Variants in PDF observed in about 807,000 individuals in gnomAD.
PDF encodes the protein peptide deformylase, mitochondrial.
In PDF, 31 loss-of-function variants were observed where a neutral mutation model predicts 20.3. The ratio of observed to expected loss-of-function variants is 1.52; its 90% CI spans 1.15 to 2.06. The LOEUF is 2.06. Among genes scored for constraint, PDF ranks in the 30% most tolerant of loss-of-function variants. The probability of loss-of-function intolerance (pLI) is 0.00; values close to 1 mark genes in which losing one functional copy is unlikely to be tolerated. For synonymous variants in PDF, 254 were observed against 172.0 expected, an observed-to-expected ratio of 1.48 and a Z score of -3.73; for missense variants, 447 against 362.5, an observed-to-expected ratio of 1.23 and a Z score of -1.89.
At chr16:69,329,838 A>G (rs1033285676) in intron 1 of PDF, among the ~76,000 whole-genome samples, 159 bp downstream of exon 1, 1 of 152,214 alleles carries the variant, frequency 6.6e-6, no homozygotes, top group African/African-American at 2.4e-5. Flanking sequence ...TCTACCCCAC[A>G]GGAGCTTCTA....
In PDF at chr16:69,330,434, C is replaced by G; in HGVS notation, c.137G>C (p.Arg46Pro). 6.8e-7 allele frequency: 1 copy of G among 1,472,860 alleles called. No homozygotes were observed. The highest frequency in any genetic ancestry group is 8.9e-7 in the Non-Finnish European group (1 of 1,120,200). The allele number at this position is 1,472,860 out of a possible 1,614,324, so 91.2% of individuals were successfully genotyped here. A position where few individuals can be genotyped will look rare whatever the true frequency, so the allele number is the denominator to read the frequency against. ...PDGVEGPALR[R>P]SYWRHLRRLV... ...ACGCCTCAGGTGGCGCCAATAGGAGCGCCGCAGCGCCGGGCCCTCGACGCC... is the reference window on the plus strand; with the variant it reads ...ACGCCTCAGGTGGCGCCAATAGGAGGGCCGCAGCGCCGGGCCCTCGACGCC... The change falls in exon 1 of 2, where the codon CGC becomes CCC. Residue 46 changes from arginine (R) to proline (P), a missense_variant. Arg to Pro is a moderately radical substitution (Grantham distance 103). Transcript: ENST00000288022.
rs894403499 is a variant in PDF, at chr16:69,327,267, G to C, written c.*1755C>G. 2 of 143,650 alleles carry C rather than the reference G, an allele frequency of 1.4e-5. No homozygotes were observed. Among genetic ancestry groups the C allele is most frequent in the African/African-American group, 5.2e-5 (2 of 38,748 alleles). 8.9% of individuals were successfully genotyped at this position (143,650 alleles called of 1,614,324 possible). Reference sequence around the variant, plus strand: ...ACTGCAACCTCTGCCTCCCAGGTTTGAGCGATTCTCCCGCCTCAGCCTCCC... The same window carrying C: ...ACTGCAACCTCTGCCTCCCAGGTTTCAGCGATTCTCCCGCCTCAGCCTCCC... On this transcript the variant is annotated 3_prime_UTR_variant, in exon 2 of 2. Transcript: ENST00000288022.
rs550213086 is a variant in PDF, at chr16:69,330,515, C to G, written c.56G>C (p.Trp19Ser). 2.1e-4 allele frequency: 310 copies of G among 1,472,872 alleles called. No individual in the cohort carries two copies. The African/African-American group carries it at 3.6e-3, about 17-fold the overall frequency. The allele number at this position is 1,472,872 out of a possible 1,614,324, so 91.2% of individuals were successfully genotyped here. A position where few individuals can be genotyped will look rare whatever the true frequency, so the allele number is the denominator to read the frequency against. The stretch of plus-strand genomic sequence containing the variant: ...GACACCGACGGCTGCCGCCCCGCCC[C>G]ACGGCACGGCCGCCCACAGTGGCCA... ...SLWPLWAAVP[W>S]GGAAAVGVRA... Residue 19 changes from tryptophan (W) to serine (S), a missense_variant, in exon 1 of 2, where the codon TGG (tryptophan) becomes TCG (serine). By Grantham distance (177) the Trp-to-Ser change is radical (BLOSUM62 -3). Coordinates refer to ENST00000288022, the MANE Select transcript of PDF (RefSeq NM_022341.2).
At position 69,327,832 on chromosome 16, in the gene PDF, T is replaced by G. The variant is rs1965648300; in HGVS notation, c.*1190A>C. ...TTTGAGGCCAGCCTGGGCAACATAGTAAGACCCCCGTCTCTATCTTAAAAA... is the reference window on the plus strand; with the variant it reads ...TTTGAGGCCAGCCTGGGCAACATAGGAAGACCCCCGTCTCTATCTTAAAAA... On this transcript the variant is annotated 3_prime_UTR_variant, in exon 2 of 2. Transcript: ENST00000288022. 6.6e-6 allele frequency: 1 copy of G among 150,772 alleles called. No individual in the cohort carries two copies. The highest frequency in any genetic ancestry group is 2.1e-4 in the South Asian group (1 of 4,790). 9.3% of individuals were successfully genotyped at this position (150,772 alleles called of 1,614,324 possible). A position where few individuals can be genotyped will look rare whatever the true frequency, so the allele number is the denominator to read the frequency against.
rs756617741 is a variant in PDF, at chr16:69,330,322, C to A, written c.249G>T (p.Glu83Asp). The A allele has an allele frequency of 3.0e-5, 43 of 1,445,894 alleles. No individual in the cohort carries two copies. In the East Asian group the frequency reaches 6.7e-4, roughly 22 times the overall value. 89.6% of individuals were successfully genotyped at this position (1,445,894 alleles called of 1,614,324 possible). A position where few individuals can be genotyped will look rare whatever the true frequency, so the allele number is the denominator to read the frequency against. Residue 83 changes from glutamate (E) to aspartate (D), a missense_variant, in exon 1 of 2, where the codon GAG becomes GAT. By Grantham distance (45) the Glu-to-Asp change is conservative. Coordinates refer to ENST00000288022, the MANE Select transcript of PDF (RefSeq NM_022341.2). ...GCTCGGGCCCGCCTAGCTGCGCCCG[C>A]TCCACCGGGGCCGCCACGCCGCGCA... Reference protein sequence around the residue: ...PVLRGVAAPVERAQLGGPELQ... With the variant: ...PVLRGVAAPVDRAQLGGPELQ...
At position 69,326,950 on chromosome 16, in the gene PDF, C is replaced by T. The variant is rs1185201806; in HGVS notation, c.*2072G>A. Reference sequence around the variant, plus strand: ...TGCATTTTATTGCTACCGATGCCCACCACAAAAGCGTTAACCTCAGAAAGC... The same window carrying T: ...TGCATTTTATTGCTACCGATGCCCATCACAAAAGCGTTAACCTCAGAAAGC... On this transcript the variant is annotated 3_prime_UTR_variant, in exon 2 of 2. Transcript: ENST00000288022. 1 of 152,086 alleles carries T rather than the reference C, an allele frequency of 6.6e-6. No individual in the cohort carries two copies. Among genetic ancestry groups the T allele is most frequent in the Non-Finnish European group, 1.5e-5 (1 of 68,032 alleles). The allele number at this position is 152,086 out of a possible 1,614,324, so 9.4% of individuals were successfully genotyped here. A position where few individuals can be genotyped will look rare whatever the true frequency, so the allele number is the denominator to read the frequency against.
rs1206936331 is a variant in PDF, at chr16:69,328,822, TG to T, written c.*199del. 4 of 663,974 alleles carry T rather than the reference TG, an allele frequency of 6.0e-6. No individual in the cohort carries two copies. Among genetic ancestry groups the T allele is most frequent in the Non-Finnish European group, 9.8e-6 (4 of 409,820 alleles). The allele number at this position is 663,974 out of a possible 1,614,324, so 41.1% of individuals were successfully genotyped here. A position where few individuals can be genotyped will look rare whatever the true frequency, so the allele number is the denominator to read the frequency against. ...TTGGGGGTGATTTTTCTCCTCAAGTTGTAGCCAACATTTTGTCCGTAACTGA... is the reference window on the plus strand; with the variant it reads ...TTGGGGGTGATTTTTCTCCTCAAGTTTAGCCAACATTTTGTCCGTAACTGA... On this transcript the variant is annotated 3_prime_UTR_variant, in exon 2 of 2. Transcript: ENST00000288022.
In PDF at chr16:69,329,057, A is replaced by T. The variant is rs913426327; in HGVS notation, c.697T>A (p.Phe233Ile). ...LFIDKMDSRT[F>I]TNVYWMKVND The stretch of plus-strand genomic sequence containing the variant: ...ACCTTCATCCAATAGACGTTTGTGA[A>T]CGTCCTGCTGTCCATTTTGTCAATA... Residue 233 changes from phenylalanine to isoleucine, a missense_variant, in exon 2 of 2, where the codon TTC becomes ATC. Physicochemically the swap from Phe to Ile is conservative, Grantham distance 21. Transcript: ENST00000288022. 15 of 1,611,720 alleles carry T rather than the reference A, an allele frequency of 9.3e-6. No individual in the cohort carries two copies. The highest frequency in any genetic ancestry group is 1.2e-5 in the Non-Finnish European group (14 of 1,179,344).
chr16:69,330,564 G>T lies in PDF; in HGVS notation c.7C>A (p.Arg3=). The change falls in exon 1 of 2, where the codon CGG becomes AGG. Residue 3 remains arginine (R), a synonymous_variant. Coordinates refer to ENST00000288022, the MANE Select transcript of PDF (RefSeq NM_022341.2). ...CAAAGACTCAGCGCGCCCCACAGCC[G>T]GGCCATGGCGGCCCCCTTAACAGTG... is the stretch of plus-strand genomic sequence containing the variant. MA[R]LWGALSLWPL... is the part of the protein sequence containing the mutation. 6.8e-7 allele frequency: 1 copy of T among 1,460,290 alleles called. No individual in the cohort carries two copies. The highest frequency in any genetic ancestry group is 2.9e-5 in the East Asian group (1 of 34,806). The allele number at this position is 1,460,290 out of a possible 1,614,324, so 90.5% of individuals were successfully genotyped here. A position where few individuals can be genotyped will look rare whatever the true frequency, so the allele number is the denominator to read the frequency against.
chr16:69,330,575 G>A lies in PDF; in HGVS notation c.-5C>T, dbSNP rs1260601235. ...CGCGCCCCACAGCCGGGCCATGGCG[G>A]CCCCCTTAACAGTGACCCGGCCCGC... is the stretch of plus-strand genomic sequence containing the variant. On this transcript the variant is annotated 5_prime_UTR_variant, in exon 1 of 2. Transcript: ENST00000288022. 2.7e-6 allele frequency: 4 copies of A among 1,455,456 alleles called. No individual in the cohort carries two copies. The highest frequency in any genetic ancestry group is 3.6e-6 in the Non-Finnish European group (4 of 1,114,456). 90.2% of individuals were successfully genotyped at this position (1,455,456 alleles called of 1,614,324 possible).
In PDF at chr16:69,328,983, G is replaced by A. The variant is rs375186698; in HGVS notation, c.*39C>T. 48 of 1,585,856 alleles carry A rather than the reference G, an allele frequency of 3.0e-5. No individual in the cohort carries two copies. In the African/African-American group the frequency reaches 4.2e-4, roughly 14 times the overall value. Reference sequence around the variant, plus strand: ...CCCAGCTCAAAGTGAAAGTGTTTGCGTCTTGGTATCCGGAATCCTCAGCCC... The same window carrying A: ...CCCAGCTCAAAGTGAAAGTGTTTGCATCTTGGTATCCGGAATCCTCAGCCC... On this transcript the variant is annotated 3_prime_UTR_variant, in exon 2 of 2. Transcript: ENST00000288022.
In PDF at chr16:69,330,434, C is replaced by A; in HGVS notation, c.137G>T (p.Arg46Leu). The change falls in exon 1 of 2, where the codon CGC (arginine) becomes CTC (leucine). Residue 46 changes from arginine (R) to leucine (L), a missense_variant. Coordinates refer to ENST00000288022, the MANE Select transcript of PDF (RefSeq NM_022341.2). ...ACGCCTCAGGTGGCGCCAATAGGAGCGCCGCAGCGCCGGGCCCTCGACGCC... is the reference window on the plus strand; with the variant it reads ...ACGCCTCAGGTGGCGCCAATAGGAGAGCCGCAGCGCCGGGCCCTCGACGCC... The part of the protein sequence containing the change: ...PDGVEGPALR[R>L]SYWRHLRRLV... 1.4e-6 allele frequency: 2 copies of A among 1,472,860 alleles called. No homozygotes were observed. The highest frequency in any genetic ancestry group is 1.8e-6 in the Non-Finnish European group (2 of 1,120,200). The allele number at this position is 1,472,860 out of a possible 1,614,324, so 91.2% of individuals were successfully genotyped here. A position where few individuals can be genotyped will look rare whatever the true frequency, so the allele number is the denominator to read the frequency against.
In PDF at chr16:69,327,640, T is replaced by G. The variant is rs543507244; in HGVS notation, c.*1382A>C. 6.6e-6 allele frequency: 1 copy of G among 152,170 alleles called. No homozygotes were observed. Among genetic ancestry groups the G allele is most frequent in the Non-Finnish European group, 1.5e-5 (1 of 68,010 alleles). 9.4% of individuals were successfully genotyped at this position (152,170 alleles called of 1,614,324 possible). On this transcript the variant is annotated 3_prime_UTR_variant, in exon 2 of 2. Coordinates refer to ENST00000288022, the MANE Select transcript of PDF (RefSeq NM_022341.2). ...AATGGACTTCCTACTACTTGTATAG[T>G]TTGATTTTCAGGACTCTGTTCAGCA...
In PDF at chr16:69,330,398, C is replaced by T. The variant is rs2011705960; in HGVS notation, c.173G>A (p.Gly58Asp). The change falls in exon 1 of 2, where the codon GGT (glycine) becomes GAT (aspartate). Residue 58 changes from glycine (G) to aspartate (D), a missense_variant. Gly to Asp is a moderately conservative substitution (Grantham distance 94). Transcript: ENST00000288022. ...GTGCGAGAACGGCGGTTCGGGAGGACCCAGCACCAGACGCCTCAGGTGGCG... is the reference window on the plus strand; with the variant it reads ...GTGCGAGAACGGCGGTTCGGGAGGATCCAGCACCAGACGCCTCAGGTGGCG... The part of the protein sequence containing the change: ...YWRHLRRLVL[G>D]PPEPPFSHVC... The T allele has an allele frequency of 6.8e-7, 1 of 1,479,750 alleles. No homozygotes were observed. The allele number at this position is 1,479,750 out of a possible 1,614,324, so 91.7% of individuals were successfully genotyped here. A position where few individuals can be genotyped will look rare whatever the true frequency, so the allele number is the denominator to read the frequency against.
rs1486499147 is a variant in PDF at position 69,329,987 on chromosome 16, C to T, written c.574+10G>A. 5.3e-6 allele frequency: 8 copies of T among 1,520,238 alleles called. No homozygotes were observed. In the Admixed American group the frequency reaches 1.3e-4, roughly 24 times the overall value. 94.2% of individuals were successfully genotyped at this position (1,520,238 alleles called of 1,614,324 possible). On this transcript the variant is annotated intron_variant, in intron 1 of 1. Transcript: ENST00000288022. Reference sequence around the variant, plus strand: ...GCTGCTCCAGCAGCCCCGGTCCCCGCCGCCCGCACCTGAGATCTGCACCGC... The same window carrying T: ...GCTGCTCCAGCAGCCCCGGTCCCCGTCGCCCGCACCTGAGATCTGCACCGC...
In PDF at chr16:69,329,112, G is replaced by C. The variant is rs542586558; in HGVS notation, c.642C>G (p.His214Gln). 2 of 1,611,076 alleles carry C rather than the reference G, an allele frequency of 1.2e-6. No homozygotes were observed. Among genetic ancestry groups the C allele is most frequent in the African/African-American group, 1.3e-5 (1 of 74,996 alleles). The change falls in exon 2 of 2, where the codon CAC (histidine) becomes CAG (glutamine). Residue 214 changes from histidine (H) to glutamine (Q), a missense_variant. By Grantham distance (24) the His-to-Gln change is conservative. Coordinates refer to ENST00000288022, the MANE Select transcript of PDF (RefSeq NM_022341.2). ...ASGWAARIIQ[H>Q]EMDHLQGCLF... ...GGCAGCCCTGCAGGTGGTCCATCTC[G>C]TGCTGGATGATGCGGGCTGCCCACC... is the stretch of plus-strand genomic sequence containing the variant.
chr16:69,330,218 A>AC lies in PDF; in HGVS notation c.352dup (p.Val118GlyfsTer45). The AC allele has an allele frequency of 2.1e-6, 3 of 1,450,874 alleles. No homozygotes were observed. The highest frequency in any genetic ancestry group is 2.7e-6 in the Non-Finnish European group (3 of 1,110,098). The allele number at this position is 1,450,874 out of a possible 1,614,324, so 89.9% of individuals were successfully genotyped here. On this transcript the variant is annotated frameshift_variant, in exon 1 of 2. Coordinates refer to ENST00000288022, the MANE Select transcript of PDF (RefSeq NM_022341.2). LOFTEE classifies it high-confidence loss of function. Reference sequence around the variant, plus strand: ...CTCCAGCGCCAGCACCTGCCGCGGCACCCCCAGCTGCGGCGCGCTTAGGCC... The same window carrying AC: ...CTCCAGCGCCAGCACCTGCCGCGGCACCCCCCAGCTGCGGCGCGCTTAGGCC...
intron 1 of PDF, among the ~76,000 whole-genome samples, chr16:69,329,523 C>T (rs2143302617): frequency 6.6e-6 from 1 of 152,334 alleles, no homozygotes; most frequent in East Asian, 1.9e-4. Flanking sequence ...CTTGAGACCC[C>T]ACTTGTTTTT....
Position 69,330,290 on chromosome 16 carries a change from C to T in PDF, c.281G>A (p.Arg94Gln). ...CACCTGGACCAGCCGTTGCGTCAGC[C>T]GCTGCAGCTCGGGCCCGCCTAGCTG... Reference protein sequence around the residue: ...RAQLGGPELQRLTQRLVQVMR... With the variant: ...RAQLGGPELQQLTQRLVQVMR... The change falls in exon 1 of 2, where the codon CGG becomes CAG. Residue 94 changes from arginine (R) to glutamine (Q), a missense_variant. Physicochemically the swap from Arg to Gln is conservative, Grantham distance 43. Coordinates refer to ENST00000288022, the MANE Select transcript of PDF (RefSeq NM_022341.2). 1 of 1,427,918 alleles carries T rather than the reference C, an allele frequency of 7.0e-7. No individual in the cohort carries two copies. Among genetic ancestry groups the T allele is most frequent in the Non-Finnish European group, 9.1e-7 (1 of 1,100,194 alleles). The allele number at this position is 1,427,918 out of a possible 1,614,324, so 88.5% of individuals were successfully genotyped here. A position where few individuals can be genotyped will look rare whatever the true frequency, so the allele number is the denominator to read the frequency against.
Sources: allele counts gnomAD v4.1 joint callset (sites outside exome capture counted in the v4.1 genomes callset), GRCh38; gene constraint gnomAD v4.1.1; transcripts MANE v1.5; gene names NCBI Gene and HGNC (gene_info 2026-07-23, HGNC 2026-07-21).